The following NALF1 variants were observed in gnomAD, a reference collection of about 807,000 sequenced individuals.
NALF1 encodes family with sequence similarity 155 member A.
NALF1 carries 3 observed loss-of-function variants against 48.4 expected under a neutral mutation model. The ratio of observed to expected loss-of-function variants is 0.06; its 90% confidence interval spans 0.03 to 0.16. The LOEUF (loss-of-function observed/expected upper bound fraction) is 0.16, where lower values mean the gene tolerates loss of function less well. Ranked by LOEUF, NALF1 falls within the 10% of genes least tolerant of loss-of-function variation. The pLI is 1.00. For missense variants in NALF1, 526 were observed against 571.5 expected, an observed-to-expected ratio of 0.92 and a Z score of 0.81; for synonymous variants, 262 against 245.7, an observed-to-expected ratio of 1.07 and a Z score of -0.62.
intron 1 of NALF1, among the ~76,000 whole-genome samples, chr13:107,801,646 C>T (rs1335238316): frequency 6.6e-6 from 1 of 152,152 alleles, no homozygotes; most frequent in African/African-American, 2.4e-5. Context: ...TCGGGGCCAA[C>T]TAAATATGTG....
At chr13:107,229,533 C>T (rs946881557) in intron 1 of NALF1, among the ~76,000 whole-genome samples, 2 of 152,068 alleles carry the variant, frequency 1.3e-5, no homozygotes, top group African/African-American at 4.8e-5. Context: ...AGCTGCTAAC[C>T]TTTCCATAGC....
At chr13:107,469,530 G>T (rs1399026071) in intron 1 of NALF1, among the ~76,000 whole-genome samples, 7 of 152,014 alleles carry the variant, frequency 4.6e-5, no homozygotes, top group South Asian at 2.1e-4. Context: ...AAATAGTGTT[G>T]TATTTGCACA....
At chr13:107,692,855 G>A (rs1881598244) in intron 1 of NALF1, among the ~76,000 whole-genome samples, 1 of 152,132 alleles carries the variant, frequency 6.6e-6, no homozygotes, top group Admixed American at 6.5e-5. Flanking sequence ...AAGAGCAGGA[G>A]CAGTTATTAA....
chr13:107,186,363 C>CTATTTATT (rs540185577), intron 2 of NALF1, among the ~76,000 whole-genome samples: 3 of 152,050 alleles, frequency 2.0e-5, no homozygotes, highest in African/African-American at 7.2e-5. Flanking sequence ...TGCATATTTT[C>CTATTTATT]TATTTATTTA....
At chr13:107,613,186 T>C (rs1008456612) in intron 1 of NALF1, among the ~76,000 whole-genome samples, 20 of 152,132 alleles carry the variant, frequency 1.3e-4, no homozygotes, top group African/African-American at 4.8e-4. Context: ...GACACTAACT[T>C]TGGAGCTTTT....
chr13:107,446,738 A>C (rs1302880355), intron 1 of NALF1, among the ~76,000 whole-genome samples: 3 of 152,168 alleles, frequency 2.0e-5, no homozygotes. Flanking sequence ...AATACATAGG[A>C]TCTATGTCAA....
chr13:107,782,948 G>A (rs1327277049), intron 1 of NALF1, among the ~76,000 whole-genome samples: 4 of 148,000 alleles, frequency 2.7e-5, no homozygotes, highest in African/African-American at 7.6e-5. Flanking sequence ...CCGGCCAGCC[G>A]CCCCGTCCGG....
At chr13:107,170,939 G>C (rs1878790265) in intron 2 of NALF1, among the ~76,000 whole-genome samples, 153 bp from the exon 3 acceptor site, 1 of 152,172 alleles carries the variant, frequency 6.6e-6, no homozygotes, top group Non-Finnish European at 1.5e-5. Flanking sequence ...ATTGGATAAA[G>C]AGTCACCCAT....
chr13:107,166,245 C>T lies in NALF1; in HGVS notation c.*4252G>A, dbSNP rs1345155792. ...ACTAGCCTGGCCAACATGGCGACACCACGTCTCTACTAAAAATACACAAAT... is the reference window on the plus strand; with the variant it reads ...ACTAGCCTGGCCAACATGGCGACACTACGTCTCTACTAAAAATACACAAAT... On this transcript the variant is annotated 3_prime_UTR_variant, in exon 3 of 3. Transcript: ENST00000375915. The T allele has an allele frequency of 3.3e-5, 5 of 152,070 alleles. No homozygotes were observed. Among genetic ancestry groups the T allele is most frequent in the Non-Finnish European group, 7.3e-5 (5 of 68,050 alleles). 9.4% of individuals were successfully genotyped at this position (152,070 alleles called of 1,614,324 possible).
At chr13:107,217,638 G>A (rs145909650) in intron 1 of NALF1, among the ~76,000 whole-genome samples, 4 of 151,804 alleles carry the variant, frequency 2.6e-5, no homozygotes, top group Non-Finnish European at 5.9e-5. Flanking sequence ...TCTTCTTTTC[G>A]GAGGGAAGCA....
At chr13:107,171,332 G>T (rs1033367314) in intron 2 of NALF1, among the ~76,000 whole-genome samples, 69 of 152,106 alleles carry the variant, frequency 4.5e-4, no homozygotes, top group African/African-American at 1.7e-3. Flanking sequence ...GGGTCATTTT[G>T]ATTTATTTTC....
At chr13:107,488,522 C>A (rs901632710) in intron 1 of NALF1, among the ~76,000 whole-genome samples, 7 of 152,012 alleles carry the variant, frequency 4.6e-5, no homozygotes, top group Admixed American at 6.6e-5. Context: ...GACAAAAAAA[C>A]CACATGATTA....
intron 1 of NALF1, among the ~76,000 whole-genome samples, chr13:107,334,879 T>C (rs1394346934): frequency 3.9e-5 from 6 of 152,266 alleles, no homozygotes; most frequent in Admixed American, 1.3e-4. Flanking sequence ...TCTTGCTGGG[T>C]GAAATGAAAA....
intron 1 of NALF1, among the ~76,000 whole-genome samples, chr13:107,623,410 AT>A (rs1185617509): frequency 6.6e-6 from 1 of 151,976 alleles, no homozygotes; most frequent in Non-Finnish European, 1.5e-5. Flanking sequence ...GAAAAAACAA[AT>A]CATTTCCAGG....
At chr13:107,593,408 C>T (rs1878652542) in intron 1 of NALF1, among the ~76,000 whole-genome samples, 2 of 151,810 alleles carry the variant, frequency 1.3e-5, no homozygotes, top group Admixed American at 6.6e-5. Flanking sequence ...AAAGAGTATG[C>T]ATTGACAAAT....
At chr13:107,827,879 G>C (rs553774027) in intron 1 of NALF1, among the ~76,000 whole-genome samples, 66 of 152,256 alleles carry the variant, frequency 4.3e-4, no homozygotes, top group Non-Finnish European at 9.1e-4. Context: ...TTTGGAAAGG[G>C]CGATTAAAAA....
chr13:107,230,515 A>T (rs571615550), intron 1 of NALF1, among the ~76,000 whole-genome samples: 4 of 152,158 alleles, frequency 2.6e-5, no homozygotes, highest in African/African-American at 7.2e-5. Context: ...TATTATTATT[A>T]TTTTTATTTT....
chr13:107,725,681 T>C (rs964718087), intron 1 of NALF1, among the ~76,000 whole-genome samples: 3 of 144,824 alleles, frequency 2.1e-5, no homozygotes, highest in Admixed American at 6.8e-5. Flanking sequence ...CAAGACTCTG[T>C]CTCTCAAAAA....
chr13:107,737,697 A>C (rs1010051169), intron 1 of NALF1, among the ~76,000 whole-genome samples: 2 of 152,180 alleles, frequency 1.3e-5, no homozygotes, highest in Admixed American at 6.5e-5. Context: ...GAATAGAAAC[A>C]AATTTCCTAA....
Sources: allele counts gnomAD v4.1 joint callset (sites outside exome capture counted in the v4.1 genomes callset), GRCh38; gene constraint gnomAD v4.1.1; transcripts MANE v1.5; gene names NCBI Gene and HGNC (gene_info 2026-07-23, HGNC 2026-07-21).